Variants in TRAPPC3 observed in about 807,000 individuals in gnomAD.
TRAPPC3 encodes the protein trafficking protein particle complex 3.
Under a neutral mutation model 18.2 loss-of-function variants are expected in TRAPPC3, and 5 were observed. That is an observed-to-expected ratio of 0.28 (90% CI 0.14 to 0.58). TRAPPC3 has a LOEUF of 0.58. TRAPPC3 is among the 20% of genes least tolerant of loss of function. The pLI, the probability that TRAPPC3 is intolerant of heterozygous loss-of-function variation, is 0.91. For missense variants in TRAPPC3, 176 were observed against 225.9 expected (o/e 0.78, Z 1.41); for synonymous variants, 65 against 84.2 (o/e 0.77, Z 1.25).
chr1:36,151,813 C>G (rs1367933318), upstream of TRAPPC3, among the ~76,000 whole-genome samples: 1 of 152,166 alleles, frequency 6.6e-6, no homozygotes, highest in Non-Finnish European at 1.5e-5. Flanking sequence ...CTATCAGGGG[C>G]TCTAGACAAA....
chr1:36,151,370 T>A (rs542470543), upstream of TRAPPC3, among the ~76,000 whole-genome samples: 49 of 152,128 alleles, frequency 3.2e-4, no homozygotes, highest in Non-Finnish European at 5.3e-4. Context: ...TAAAAAATAA[T>A]TTTTAAAAAG....
chr1:36,137,093 T>C lies in TRAPPC3; in HGVS notation c.*110A>G. The C allele has an allele frequency of 7.9e-7, 1 of 1,264,196 alleles. No homozygotes were observed. Among genetic ancestry groups the C allele is most frequent in the African/African-American group, 1.5e-5 (1 of 67,606 alleles). 78.3% of individuals were successfully genotyped at this position (1,264,196 alleles called of 1,614,324 possible). ...GGAGAATGGAAACAGGTTATAAGAA[T>C]ATATAACATCCATGTTCAAGAGTCA... On this transcript the variant is annotated 3_prime_UTR_variant, in exon 5 of 5. Coordinates refer to ENST00000373166, the MANE Select transcript of TRAPPC3 (RefSeq NM_014408.5).
upstream of TRAPPC3, among the ~76,000 whole-genome samples, chr1:36,152,818 T>A (rs1049125758): frequency 1.3e-5 from 2 of 151,786 alleles, no homozygotes; most frequent in Admixed American, 6.6e-5. Flanking sequence ...GCCTGGCTAA[T>A]TTTTTGTATT....
At chr1:36,153,273 G>T (rs1644284926), upstream of TRAPPC3, among the ~76,000 whole-genome samples, 1 of 152,196 alleles carries the variant, frequency 6.6e-6, no homozygotes, top group Non-Finnish European at 1.5e-5. Flanking sequence ...CCTCTTGGTT[G>T]CTGGGGCCTG....
chr1:36,152,524 G>A (rs554845995), upstream of TRAPPC3, among the ~76,000 whole-genome samples: 66 of 152,136 alleles, frequency 4.3e-4, 1 homozygote, highest in African/African-American at 1.4e-3. Flanking sequence ...TGGCCAGGTT[G>A]GTCGTGAACT....
rs909569432 is a variant in TRAPPC3 at position 36,137,446 on chromosome 1, A to G, written c.424-124T>C. 29 of 977,056 alleles carry G rather than the reference A, an allele frequency of 3.0e-5. 1 individual carries two copies. The highest frequency in any genetic ancestry group is 3.3e-4 in the Middle Eastern group (1 of 3,038). 60.5% of individuals were successfully genotyped at this position (977,056 alleles called of 1,614,324 possible). Reference sequence around the variant, plus strand: ...AAAGGGGGGCTGGTTTCCCACAAGGACAAGATTGACAGCGCCAACATTCTG... The same window carrying G: ...AAAGGGGGGCTGGTTTCCCACAAGGGCAAGATTGACAGCGCCAACATTCTG... On this transcript the variant is annotated intron_variant, in intron 4 of 4. Transcript: ENST00000373166.
At chr1:36,149,098 T>G in intron 1 of TRAPPC3, 123 of 1,400,402 alleles carry the variant, frequency 8.8e-5, no homozygotes, top group East Asian at 6.4e-4. Flanking sequence ...TTACCGTCGT[T>G]GTTGTTGGCT....
At chr1:36,151,407 TTTTG>T (rs554442712), upstream of TRAPPC3, among the ~76,000 whole-genome samples, 148 of 152,140 alleles carry the variant, frequency 9.7e-4, 1 homozygote, top group African/African-American at 3.3e-3. Flanking sequence ...ATAGCCACTC[TTTTG>T]TTTATTTACT....
At chr1:36,138,753 G>A (rs1207417373) in intron 3 of TRAPPC3, among the ~76,000 whole-genome samples, 3 of 152,006 alleles carry the variant, frequency 2.0e-5, no homozygotes, top group Non-Finnish European at 4.4e-5. Flanking sequence ...AACTGGTGCC[G>A]GGCACAGTGG....
intron 1 of TRAPPC3, 123 bp from the exon 2 acceptor site, chr1:36,140,289 A>G: frequency 1.6e-6 from 1 of 612,832 alleles, no homozygotes; most frequent in Non-Finnish European, 2.6e-6. Flanking sequence ...GGGAAAGAAC[A>G]TCATCCCCTT....
upstream of TRAPPC3, among the ~76,000 whole-genome samples, chr1:36,151,407 T>C (rs192848309): frequency 2.5e-3 from 386 of 152,144 alleles, 2 homozygotes; most frequent in African/African-American, 8.9e-3. Flanking sequence ...ATAGCCACTC[T>C]TTTGTTTATT....
At chr1:36,152,295 C>CA (rs1644276937), upstream of TRAPPC3, among the ~76,000 whole-genome samples, 1 of 135,590 alleles carries the variant, frequency 7.4e-6, no homozygotes, top group African/African-American at 2.7e-5. Flanking sequence ...ATTTCTTTTT[C>CA]TTTTTTTTTT....
chr1:36,149,766 C>G (rs1045130956), upstream of TRAPPC3, among the ~76,000 whole-genome samples: 3 of 152,300 alleles, frequency 2.0e-5, no homozygotes, highest in East Asian at 1.9e-4. Context: ...CCCCTCCCCC[C>G]GCGCCCGGCT....
intron 1 of TRAPPC3, chr1:36,155,548 C>G (rs1444069620): frequency 6.6e-6 from 1 of 152,528 alleles, no homozygotes; most frequent in African/African-American, 2.4e-5. Flanking sequence ...CTGCGCAGGG[C>G]TGTAATTACC....
At chr1:36,138,046 G>A (rs964062883) in intron 3 of TRAPPC3, 68 bp from the exon 4 acceptor site, 6 of 1,608,634 alleles carry the variant, frequency 3.7e-6, no homozygotes, top group Non-Finnish European at 5.1e-6. Flanking sequence ...GAAGGTGACA[G>A]AACTGGCAAA....
chr1:36,149,079 T>C (rs1644242780), intron 1 of TRAPPC3: 5 of 1,393,506 alleles, frequency 3.6e-6, no homozygotes, highest in Middle Eastern at 2.6e-4. Context: ...TGGCAGTTAT[T>C]GGTATTTATT....
chr1:36,138,899 G>A (rs1644064236), intron 3 of TRAPPC3, among the ~76,000 whole-genome samples: 1 of 151,686 alleles, frequency 6.6e-6, no homozygotes. Context: ...AGCCGGGCAT[G>A]GTGGTGCATG....
chr1:36,142,164 T>C lies in TRAPPC3; in HGVS notation c.43-1998A>G, dbSNP rs1570091611. Among the ~76,000 whole-genome samples the C allele has an allele frequency of 2.7e-5, 4 of 147,420 alleles. 1 individual carries two copies. The Admixed American group carries it at 2.8e-4, about 10-fold the overall frequency. Reference sequence around the variant, plus strand: ...AAATACCCAAAAAACTTAGCTGCACTAGAGTCAAAGAAAGTCAGTTTCAGG... The same window carrying C: ...AAATACCCAAAAAACTTAGCTGCACCAGAGTCAAAGAAAGTCAGTTTCAGG... On this transcript the variant is annotated intron_variant, in intron 1 of 4. Coordinates refer to ENST00000373166, the MANE Select transcript of TRAPPC3 (RefSeq NM_014408.5).
At position 36,137,138 on chromosome 1, in the gene TRAPPC3, G is replaced by A. The variant is rs1313160310; in HGVS notation, c.*65C>T. The stretch of plus-strand genomic sequence containing the variant: ...GAGTCACTGAGTTCTGGAGGGCAGA[G>A]GGAGCACAGAGGCCTGCTGATTCCA... On this transcript the variant is annotated 3_prime_UTR_variant, in exon 5 of 5. Coordinates refer to ENST00000373166, the MANE Select transcript of TRAPPC3 (RefSeq NM_014408.5). 13 of 1,561,058 alleles carry A rather than the reference G, an allele frequency of 8.3e-6. No individual in the cohort carries two copies. Among genetic ancestry groups the A allele is most frequent in the Non-Finnish European group, 1.1e-5 (12 of 1,139,608 alleles).
Sources: allele counts gnomAD v4.1 joint callset (sites outside exome capture counted in the v4.1 genomes callset), GRCh38; gene constraint gnomAD v4.1.1; transcripts MANE v1.5; gene names NCBI Gene and HGNC (gene_info 2026-07-23, HGNC 2026-07-21).